SNX30: variants seen among roughly 807,000 people sequenced by gnomAD.
The protein encoded by SNX30 is sorting nexin-30.
A neutral mutation model predicts 46.4 loss-of-function variants in SNX30; 24 were observed. That is an observed-to-expected ratio of 0.52 (90% CI 0.37 to 0.73). SNX30 has a LOEUF of 0.73. SNX30 is among the 30% of genes least tolerant of loss of function. The pLI is 0.00. For synonymous variants in SNX30, 189 were observed against 211.5 expected (o/e 0.89, Z 0.92); for missense variants, 533 against 555.7 (o/e 0.96, Z 0.41).
intron 1 of SNX30, among the ~76,000 whole-genome samples, chr9:112,786,606 G>A (rs1212899337): frequency 2.0e-5 from 3 of 151,974 alleles, no homozygotes; most frequent in Non-Finnish European, 4.4e-5. Flanking sequence ...GCCCATGTGA[G>A]AGGGCAAGAC....
At chr9:112,810,823 A>C (rs984069066) in intron 2 of SNX30, among the ~76,000 whole-genome samples, 1 of 151,960 alleles carries the variant, frequency 6.6e-6, no homozygotes, top group African/African-American at 2.4e-5. Flanking sequence ...TGCGGGAGAG[A>C]TACAGGATGT....
At chr9:112,854,823 C>T (rs907482288) in intron 7 of SNX30, among the ~76,000 whole-genome samples, 3 of 152,168 alleles carry the variant, frequency 2.0e-5, no homozygotes, top group African/African-American at 4.8e-5. Context: ...TGCACTGATC[C>T]GCTCCTCAGC....
intron 1 of SNX30, among the ~76,000 whole-genome samples, chr9:112,756,713 G>A (rs1436776666): frequency 2.0e-5 from 3 of 152,012 alleles, no homozygotes; most frequent in Non-Finnish European, 2.9e-5. Flanking sequence ...CGCCTGCCTC[G>A]GCCTCTGAAA....
At chr9:112,852,837 G>C (rs1218280544) in intron 7 of SNX30, among the ~76,000 whole-genome samples, 1 of 152,214 alleles carries the variant, frequency 6.6e-6, no homozygotes, top group African/African-American at 2.4e-5. Context: ...TTTGACATCA[G>C]AGCTGCTGGG....
chr9:112,797,536 T>A lies in SNX30; in HGVS notation c.157-7240T>A, dbSNP rs536162110. Among the ~76,000 whole-genome samples, 9 of 152,202 alleles carry A rather than the reference T, an allele frequency of 5.9e-5. No homozygotes were observed. In the South Asian group the frequency reaches 1.9e-3, roughly 32 times the overall value. ...ATAATTTTAAAAGATGAAGATTTTG[T>A]AAAATCATACTTCCATTATCATACC... On this transcript the variant is annotated intron_variant, in intron 1 of 8. Transcript: ENST00000374232.
intron 1 of SNX30, among the ~76,000 whole-genome samples, chr9:112,783,167 T>A (rs534957974): frequency 2.6e-5 from 4 of 152,230 alleles, no homozygotes; most frequent in Non-Finnish European, 4.4e-5. Context: ...GGGGGTTTCT[T>A]GTCCGGTAGG....
At chr9:112,819,022 A>G (rs1490550427) in intron 3 of SNX30, among the ~76,000 whole-genome samples, 2 of 152,224 alleles carry the variant, frequency 1.3e-5, no homozygotes, top group Non-Finnish European at 2.9e-5. Context: ...CTTAAAATAG[A>G]ATCTTAAGGT....
intron 4 of SNX30, among the ~76,000 whole-genome samples, chr9:112,834,843 AACACACACACACACACAC>A (rs79118828): frequency 2.0e-4 from 16 of 78,414 alleles, no homozygotes; most frequent in Admixed American, 1.6e-3. Flanking sequence ...CACACACACA[AACACACACACACACACAC>A]ACACACACAC....
intron 1 of SNX30, among the ~76,000 whole-genome samples, chr9:112,784,011 T>C (rs955820442): frequency 6.6e-6 from 1 of 152,204 alleles, no homozygotes; most frequent in Non-Finnish European, 1.5e-5. Context: ...GCTGTTGAAC[T>C]TGGGTTTATT....
At position 112,837,362 on chromosome 9, in the gene SNX30, G is replaced by T. The variant is rs1240433873; in HGVS notation, c.814+953G>T. Among the ~76,000 whole-genome samples the T allele has an allele frequency of 2.0e-5, 3 of 152,126 alleles. No individual in the cohort carries two copies. In the East Asian group the frequency reaches 5.8e-4, roughly 29 times the overall value. On this transcript the variant is annotated intron_variant, in intron 5 of 8. Transcript: ENST00000374232. ...CTGATGGGATCCAAGGGGCTGAGGT[G>T]GCCACCGAGTGATAGAGTGAGTCTG...
rs752287679 is a variant in SNX30 at position 112,804,808 on chromosome 9, A to G, written c.189A>G (p.Ala63=). 6.8e-6 allele frequency: 11 copies of G among 1,613,320 alleles called. No homozygotes were observed. The East Asian group carries it at 2.0e-4, about 29-fold the overall frequency. The stretch of plus-strand genomic sequence containing the variant: ...TTTTGCCCAACGGTGGTACTCCAGC[A>G]GGTACTTCAAGTCCAGCTTCTTCAT... ...DLILPNGGTP[A]GTSSPASSSS... The change falls in exon 2 of 9, where the codon GCA becomes GCG. Residue 63 remains alanine (A), a synonymous_variant. Coordinates refer to ENST00000374232, the MANE Select transcript of SNX30 (RefSeq NM_001012994.2).
At chr9:112,773,490 A>G (rs1046852396) in intron 1 of SNX30, among the ~76,000 whole-genome samples, 2 of 152,156 alleles carry the variant, frequency 1.3e-5, no homozygotes, top group African/African-American at 2.4e-5. Context: ...CCTGGGCTCA[A>G]GCAATCTTCC....
intron 7 of SNX30, among the ~76,000 whole-genome samples, chr9:112,855,171 C>T (rs1841100883): frequency 6.6e-6 from 1 of 152,152 alleles, no homozygotes; most frequent in Admixed American, 6.5e-5. Flanking sequence ...TGTGCTTTGC[C>T]TGATGTGGTT....
Position 112,864,404 on chromosome 9 carries a change from T to G in SNX30, c.1254+5T>G. ...AACATCCAGTATTATGAGAAGGTAA[T>G]GAGTGTGCCCAACAAGACTGGTTTC... On this transcript the variant is annotated splice_donor_5th_base_variant and intron_variant, in intron 8 of 8. Transcript: ENST00000374232. 1 of 1,614,060 alleles carries G rather than the reference T, an allele frequency of 6.2e-7. No individual in the cohort carries two copies. The highest frequency in any genetic ancestry group is 8.5e-7 in the Non-Finnish European group (1 of 1,180,010).
chr9:112,771,574 CAA>C (rs1839649599), intron 1 of SNX30, among the ~76,000 whole-genome samples: 1 of 152,178 alleles, frequency 6.6e-6, no homozygotes, highest in South Asian at 2.1e-4. Flanking sequence ...TCCCAGCCTT[CAA>C]GAGTATAGTC....
At chr9:112,775,443 C>A (rs1216520928) in intron 1 of SNX30, among the ~76,000 whole-genome samples, 1 of 151,968 alleles carries the variant, frequency 6.6e-6, no homozygotes, top group Non-Finnish European at 1.5e-5. Context: ...CCACTGTGCC[C>A]GGCCTAAATT....
intron 1 of SNX30, among the ~76,000 whole-genome samples, chr9:112,777,405 A>G (rs370494738): frequency 1.3e-5 from 2 of 151,230 alleles, no homozygotes; most frequent in African/African-American, 4.9e-5. Flanking sequence ...TCTTCCATAT[A>G]ATCTTTTTAA....
chr9:112,788,698 T>G (rs1319442832), intron 1 of SNX30, among the ~76,000 whole-genome samples: 1 of 152,224 alleles, frequency 6.6e-6, no homozygotes, highest in Non-Finnish European at 1.5e-5. Context: ...TGCAGAAGTT[T>G]CAGTGGAGGA....
chr9:112,841,149 T>TG (rs1840850440), intron 6 of SNX30, among the ~76,000 whole-genome samples: 1 of 152,240 alleles, frequency 6.6e-6, no homozygotes, highest in African/African-American at 2.4e-5. Flanking sequence ...TCATCAAATA[T>TG]TCTCTTAACC....
Sources: gnomAD v4.1 joint callset for allele counts (sites outside exome capture counted in the v4.1 genomes callset) on GRCh38, gnomAD v4.1.1 for gene constraint, MANE v1.5 for transcripts, NCBI Gene and HGNC (gene_info 2026-07-23, HGNC 2026-07-21) for gene names.